CLCN4: variants seen among roughly 807,000 people sequenced by gnomAD.
The protein encoded by CLCN4 is Cl-/H+ antiporter 4.
Under a neutral mutation model 41.7 loss-of-function variants are expected in CLCN4, and 1 was observed. The observed-to-expected ratio is 0.02, with a 90% CI of 0.01 to 0.11. CLCN4 has a LOEUF of 0.11. Ranked by LOEUF, CLCN4 falls within the 10% of genes least tolerant of loss-of-function variation. The probability of loss-of-function intolerance (pLI) is 1.00; values close to 1 mark genes in which losing one functional copy is unlikely to be tolerated. For synonymous variants in CLCN4, 277 were observed against 285.8 expected (o/e 0.97, Z 0.31); for missense variants, 287 against 661.0 (o/e 0.43, Z 6.20).
At chrX:10,184,656 C>T (rs1199840498) in intron 2 of CLCN4, among the ~76,000 whole-genome samples, 1 of 111,945 alleles carries the variant, frequency 8.9e-6, no homozygotes, top group Non-Finnish European at 1.9e-5. Context: ...AGTGATAGTG[C>T]TGCTGGCTGT....
At position 10,214,088 on chromosome X, in the gene CLCN4, A is replaced by G; in HGVS notation, c.1975+9A>G. ...ACTGATTCTCGCAATAAGTGAGTAA[A>G]GAGAGGGAAGCTCACATTTTACCAA... is the stretch of plus-strand genomic sequence containing the variant. On this transcript the variant is annotated intron_variant, in intron 11 of 12. Coordinates refer to ENST00000380833, the MANE Select transcript of CLCN4 (RefSeq NM_001830.4). The G allele has an allele frequency of 3.5e-6, 4 of 1,150,879 alleles. No individual in the cohort carries two copies. Among genetic ancestry groups the G allele is most frequent in the Non-Finnish European group, 4.6e-6 (4 of 866,002 alleles). 94.8% of individuals were successfully genotyped at this position (1,150,879 alleles called of 1,213,427 possible). A position where few individuals can be genotyped will look rare whatever the true frequency, so the allele number is the denominator to read the frequency against.
intron 12 of CLCN4, among the ~76,000 whole-genome samples, chrX:10,229,491 C>T (rs1925070885): frequency 9.2e-6 from 1 of 109,153 alleles, no homozygotes; most frequent in South Asian, 4.0e-4. Context: ...GTGTGCTGCA[C>T]CCATTAACTC....
At chrX:10,195,141 C>T (rs1271413954) in intron 5 of CLCN4, 43 bp downstream of exon 5, 1 of 1,121,201 alleles carries the variant, frequency 8.9e-7, no homozygotes, top group Non-Finnish European at 1.2e-6. Flanking sequence ...CCCTGCCGTT[C>T]CATGCGTGCT....
intron 1 of CLCN4, 43 bp downstream of exon 1, chrX:10,157,143 A>T (rs987647475): frequency 6.8e-6 from 2 of 294,116 alleles, no homozygotes; most frequent in Non-Finnish European, 5.9e-6. Flanking sequence ...GAGAGGAGTG[A>T]CCTAGTAAAG....
Position 10,220,688 on chromosome X carries a change from T to C in CLCN4, c.2003T>C (p.Ile668Thr), listed in dbSNP as rs1924836688. The stretch of plus-strand genomic sequence containing the variant: ...AACGCCAGACAGAGGCAGGAGGGCA[T>C]TGTGAGCAATTCCATCATGTACTTC... ...IKNARQRQEG[I>T]VSNSIMYFTE... The change falls in exon 12 of 13, where the codon ATT becomes ACT. Residue 668 changes from isoleucine (I) to threonine (T), a missense_variant. Around this residue, in one of 6 missense-constraint regions of CLCN4, gnomAD observed 71 missense variants for 104.5 expected, o/e 0.68. Transcript: ENST00000380833. The C allele has an allele frequency of 3.3e-6, 4 of 1,209,180 alleles. No homozygotes were observed. The highest frequency in any genetic ancestry group is 2.2e-6 in the Non-Finnish European group (2 of 894,820).
chrX:10,199,576 G>T (rs182153090), intron 6 of CLCN4, among the ~76,000 whole-genome samples: 1 of 111,193 alleles, frequency 9.0e-6, no homozygotes, highest in Non-Finnish European at 1.9e-5. Flanking sequence ...TGTTTGACTC[G>T]TGTATTTTGT....
At chrX:10,205,784 CTT>C (rs367629039) in intron 6 of CLCN4, among the ~76,000 whole-genome samples, 1 of 102,699 alleles carries the variant, frequency 9.7e-6, no homozygotes. Context: ...ATTTTAATTT[CTT>C]TTTTTTTTTC....
chrX:10,228,229 C>G (rs1412387737), intron 12 of CLCN4, among the ~76,000 whole-genome samples: 2 of 108,891 alleles, frequency 1.8e-5, no homozygotes, highest in African/African-American at 3.4e-5. Context: ...ATCCCCTCCT[C>G]CCCCCTCCCC....
intron 2 of CLCN4, among the ~76,000 whole-genome samples, chrX:10,160,463 C>T (rs140915021): frequency 1.8e-3 from 200 of 110,594 alleles, no homozygotes; most frequent in African/African-American, 6.2e-3. Flanking sequence ...ACTAGATGAA[C>T]GTGTGTGGAA....
intron 12 of CLCN4, among the ~76,000 whole-genome samples, chrX:10,223,879 G>A (rs892971950): frequency 1.8e-5 from 2 of 112,093 alleles, no homozygotes; most frequent in African/African-American, 6.5e-5. Context: ...CCAGCTGCTC[G>A]AATTTGAATT....
intron 2 of CLCN4, among the ~76,000 whole-genome samples, chrX:10,175,005 G>A (rs760369730): frequency 2.9e-4 from 32 of 112,280 alleles, no homozygotes; most frequent in African/African-American, 8.4e-4. Context: ...GGATGCATCC[G>A]GATTCTTTTG....
intron 5 of CLCN4, among the ~76,000 whole-genome samples, 162 bp downstream of exon 5, chrX:10,195,260 T>C (rs1040952691): frequency 4.5e-5 from 5 of 111,199 alleles, no homozygotes; most frequent in Non-Finnish European, 9.4e-5. Context: ...GCTCTAATGC[T>C]ACCACTCAAA....
At chrX:10,192,926 T>G (rs1446599989) in intron 4 of CLCN4, among the ~76,000 whole-genome samples, 1 of 112,205 alleles carries the variant, frequency 8.9e-6, no homozygotes. Flanking sequence ...GATTTCTAGT[T>G]TGCACAGTAG....
At chrX:10,173,420 G>T (rs761213664) in intron 2 of CLCN4, among the ~76,000 whole-genome samples, 22 of 110,986 alleles carry the variant, frequency 2.0e-4, no homozygotes, top group African/African-American at 6.9e-4. Flanking sequence ...CTCTGGGCGG[G>T]GCCTGCTCCT....
chrX:10,233,408 AC>A, intron 12 of CLCN4, 85 bp from the exon 13 acceptor site: 1 of 663,770 alleles, frequency 1.5e-6, no homozygotes, highest in South Asian at 2.4e-5. Context: ...CTCTGTGTCC[AC>A]ATGGAAAAGG....
intron 6 of CLCN4, among the ~76,000 whole-genome samples, chrX:10,203,482 A>G (rs1016448077): frequency 8.0e-5 from 9 of 111,829 alleles, no homozygotes; most frequent in South Asian, 3.8e-4. Context: ...CTTCAGGAAC[A>G]TACACACTCT....
At chrX:10,208,674 G>C in intron 9 of CLCN4, 84 bp downstream of exon 9, 1 of 869,705 alleles carries the variant, frequency 1.1e-6, no homozygotes, top group Non-Finnish European at 1.6e-6. Flanking sequence ...AATTGCGGTG[G>C]GAAAAAAAGG....
chrX:10,219,209 C>G (rs1924800038), intron 11 of CLCN4, among the ~76,000 whole-genome samples: 1 of 112,429 alleles, frequency 8.9e-6, no homozygotes, highest in Non-Finnish European at 1.9e-5. Flanking sequence ...TTCAGCAAAT[C>G]CATGTCATCA....
intron 11 of CLCN4, among the ~76,000 whole-genome samples, chrX:10,217,853 CTG>C (rs1924767346): frequency 1.8e-5 from 2 of 110,517 alleles, no homozygotes; most frequent in South Asian, 7.9e-4. Flanking sequence ...AGCAATTCTC[CTG>C]CCTCAGCCTC....
Sources: allele counts gnomAD v4.1 joint callset (sites outside exome capture counted in the v4.1 genomes callset), GRCh38; gene constraint gnomAD v4.1.1; regional missense constraint gnomAD v4.1.1; transcripts MANE v1.5; gene names NCBI Gene and HGNC (gene_info 2026-07-23, HGNC 2026-07-21).